TAPBPL: variants seen among roughly 807,000 people sequenced by gnomAD.
The protein encoded by TAPBPL is TAP binding protein like.
A neutral mutation model predicts 44.8 loss-of-function variants in TAPBPL; 32 were observed. The ratio of observed to expected loss-of-function variants is 0.71; its 90% CI spans 0.54 to 0.96. TAPBPL has a LOEUF of 0.96. Ranked by LOEUF, TAPBPL falls within the 40% of genes least tolerant of loss-of-function variation. TAPBPL has a pLI of 0.00. For synonymous variants in TAPBPL, 230 were observed against 240.7 expected (o/e 0.96, Z 0.41); for missense variants, 520 against 586.6 (o/e 0.89, Z 1.17).
downstream of TAPBPL, chr12:6,466,353 T>C: frequency 6.2e-7 from 1 of 1,612,324 alleles, no homozygotes; most frequent in Non-Finnish European, 8.5e-7. Context: ...GGAGCAGACC[T>C]GTGGAAAGAC....
downstream of TAPBPL, chr12:6,464,411 A>C: frequency 1.3e-6 from 2 of 1,559,120 alleles, no homozygotes. Context: ...GAGAGCAAAC[A>C]GAGGGCAGAG....
chr12:6,456,127 T>A (rs971352215), intron 3 of TAPBPL, among the ~76,000 whole-genome samples: 1 of 87,788 alleles, frequency 1.1e-5, no homozygotes, highest in Non-Finnish European at 2.5e-5. Context: ...GTCCCAATAT[T>A]TTTTTTTTTA....
downstream of TAPBPL, chr12:6,463,635 T>C: frequency 9.3e-7 from 1 of 1,080,776 alleles, no homozygotes; most frequent in Non-Finnish European, 1.1e-6. This position sits in a 1 kb window ranked among gnomAD's most constrained non-coding sequence, Gnocchi z 4.0. Flanking sequence ...ATGCCAACAA[T>C]TAACTGGGAG....
chr12:6,452,086 G>C lies in TAPBPL; in HGVS notation c.-163G>C. 1 of 813,234 alleles carries C rather than the reference G, an allele frequency of 1.2e-6. No individual in the cohort carries two copies. The highest frequency in any genetic ancestry group is 1.6e-5 in the South Asian group (1 of 60,922). 50.4% of individuals were successfully genotyped at this position (813,234 alleles called of 1,614,324 possible). A position where few individuals can be genotyped will look rare whatever the true frequency, so the allele number is the denominator to read the frequency against. On this transcript the variant is annotated 5_prime_UTR_variant, in exon 1 of 7. Transcript: ENST00000266556. ...CGCGGGCTGCCATCTTGCTCTAAGT[G>C]AAAGTGAAAGAAAAGTCGGCAGCAG...
chr12:6,465,843 T>C, downstream of TAPBPL: 1 of 1,614,044 alleles, frequency 6.2e-7, no homozygotes, highest in Non-Finnish European at 8.5e-7. Context: ...AAAATTCACC[T>C]TGCAGTTTTT....
At position 6,462,272 on chromosome 12, in the gene TAPBPL, C is replaced by G. The variant is rs563759407; in HGVS notation, c.*123C>G. The G allele has an allele frequency of 5.2e-6, 4 of 763,480 alleles. No homozygotes were observed. In the Admixed American group the frequency reaches 8.4e-5, roughly 16 times the overall value. 47.3% of individuals were successfully genotyped at this position (763,480 alleles called of 1,614,324 possible). On this transcript the variant is annotated 3_prime_UTR_variant, in exon 7 of 7. Coordinates refer to ENST00000266556, the MANE Select transcript of TAPBPL (RefSeq NM_018009.5). ...GGAATTTGTATTTTTTGCCTTTGTT[C>G]AGAATACATGACATTGGTAAATATG...
Position 6,453,327 on chromosome 12 carries a change from C to A in TAPBPL, c.295+30C>A. The A allele has an allele frequency of 6.2e-7, 1 of 1,611,584 alleles. No individual in the cohort carries two copies. Among genetic ancestry groups the A allele is most frequent in the Non-Finnish European group, 8.5e-7 (1 of 1,178,736 alleles). On this transcript the variant is annotated intron_variant, in intron 2 of 6. Coordinates refer to ENST00000266556, the MANE Select transcript of TAPBPL (RefSeq NM_018009.5). The surrounding 1 kb of genome is among the most constrained non-coding windows in gnomAD (Gnocchi z 4.8). ...AAGCCTTCCACCTGTGTCCTTGGTCCTCCCGGGCTCCCTCCACCAGGACAG... is the reference window on the plus strand; with the variant it reads ...AAGCCTTCCACCTGTGTCCTTGGTCATCCCGGGCTCCCTCCACCAGGACAG...
rs767619417 is a variant in TAPBPL at position 6,458,762 on chromosome 12, G to A, written c.1022G>A (p.Gly341Asp). 3 of 1,614,130 alleles carry A rather than the reference G, an allele frequency of 1.9e-6. No individual in the cohort carries two copies. Among genetic ancestry groups the A allele is most frequent in the Non-Finnish European group, 1.7e-6 (2 of 1,180,036 alleles). The change falls in exon 5 of 7, where the codon GGT becomes GAT. Residue 341 changes from glycine (G) to aspartate (D), a missense_variant. By Grantham distance (94) the Gly-to-Asp change is moderately conservative. Coordinates refer to ENST00000266556, the MANE Select transcript of TAPBPL (RefSeq NM_018009.5). Reference protein sequence around the residue: ...VVVTWTREELGGSPAQVSGAS... With the variant: ...VVVTWTREELDGSPAQVSGAS... ...GTGACGTGGACCCGAGAGGAGCTGGGTGGATCCCCAGCCCAAGTCTCTGGT... is the reference window on the plus strand; with the variant it reads ...GTGACGTGGACCCGAGAGGAGCTGGATGGATCCCCAGCCCAAGTCTCTGGT...
downstream of TAPBPL, chr12:6,463,531 C>G (rs1008190054): frequency 9.6e-7 from 1 of 1,044,760 alleles, no homozygotes; most frequent in South Asian, 3.1e-5. This position sits in a 1 kb window ranked among gnomAD's most constrained non-coding sequence, Gnocchi z 4.0. Flanking sequence ...CCCTCTTTAA[C>G]GAGGGCAAGG....
At chr12:6,470,422 C>T (rs1248002722), downstream of TAPBPL, 7 of 1,543,016 alleles carry the variant, frequency 4.5e-6, no homozygotes, top group South Asian at 4.6e-5. Flanking sequence ...GGTAGTTCCC[C>T]GCGTTGCTGC....
intron 1 of TAPBPL, chr12:6,452,680 G>C (rs1949586589): frequency 6.3e-6 from 7 of 1,112,322 alleles, no homozygotes; most frequent in African/African-American, 1.6e-5. Context: ...ACCCGAAATG[G>C]GAGAAAGCAG....
downstream of TAPBPL, chr12:6,464,044 C>T: frequency 7.7e-7 from 1 of 1,296,342 alleles, no homozygotes; most frequent in Non-Finnish European, 1.0e-6. Flanking sequence ...TGCCATCTTC[C>T]CAGCCCCTCC....
chr12:6,454,959 T>A (rs1373520119), intron 3 of TAPBPL, among the ~76,000 whole-genome samples: 1 of 151,990 alleles, frequency 6.6e-6, no homozygotes, highest in Admixed American at 6.6e-5. Flanking sequence ...CACTCTAACC[T>A]CTCTGTGGTC....
downstream of TAPBPL, chr12:6,470,594 G>A (rs1480142434): frequency 6.2e-7 from 1 of 1,606,042 alleles, no homozygotes; most frequent in African/African-American, 1.3e-5. Context: ...CACCCGGTGA[G>A]GGACGCTGCG....
At chr12:6,465,360 A>ATATATATATATATAAATGTATATATATG (rs1565525912), downstream of TAPBPL, 1 of 187,592 alleles carries the variant, frequency 5.3e-6, no homozygotes, top group Non-Finnish European at 1.0e-5. Flanking sequence ...AGAAAAAAGT[A>ATATATATATATATAAATGTATATATATG]TATATATATA....
chr12:6,464,112 T>C (rs1397329575), downstream of TAPBPL: 24 of 1,332,182 alleles, frequency 1.8e-5, no homozygotes, highest in Non-Finnish European at 2.2e-5. Flanking sequence ...GATACTCTTC[T>C]CCTCCCAAGT....
At chr12:6,461,685 A>G (rs1232419434) in intron 6 of TAPBPL, among the ~76,000 whole-genome samples, 1 of 152,220 alleles carries the variant, frequency 6.6e-6, no homozygotes, top group African/African-American at 2.4e-5. Flanking sequence ...CTCAGCTGCA[A>G]TTAGGGTTCT....
intron 1 of TAPBPL, 190 bp downstream of exon 1, chr12:6,452,502 C>T (rs1949580070): frequency 7.0e-7 from 1 of 1,436,182 alleles, no homozygotes; most frequent in Non-Finnish European, 9.1e-7. Context: ...AGGGTGGGGA[C>T]TCCACAGGGA....
chr12:6,470,598 C>G, downstream of TAPBPL: 2 of 1,604,996 alleles, frequency 1.2e-6, no homozygotes, highest in Non-Finnish European at 1.7e-6. Context: ...CGGTGAGGGA[C>G]GCTGCGGCTG....
Sources: allele counts gnomAD v4.1 joint callset (sites outside exome capture counted in the v4.1 genomes callset), GRCh38; gene constraint gnomAD v4.1.1; non-coding constraint Gnocchi (gnomAD v3.1); transcripts MANE v1.5; gene names NCBI Gene and HGNC (gene_info 2026-07-23, HGNC 2026-07-21).